Variants in KMT2A observed in about 807,000 individuals in gnomAD.
The protein encoded by KMT2A is lysine methyltransferase 2A, also known as histone-lysine N-methyltransferase 2A.
In KMT2A, 16 loss-of-function variants were observed where a neutral mutation model predicts 345.3. The observed-to-expected ratio is 0.05, with a 90% CI of 0.03 to 0.07. The LOEUF is 0.07. Ranked by LOEUF, KMT2A falls within the 10% of genes least tolerant of loss-of-function variation. The pLI is 1.00. For missense variants in KMT2A, 3,272 were observed against 4,841.6 expected (o/e 0.68, Z 9.62); for synonymous variants, 1,599 against 1,778.6 (o/e 0.90, Z 2.54).
intron 11 of KMT2A, 88 bp downstream of exon 11, chr11:118,488,848 A>G (rs1216823203): frequency 7.8e-7 from 1 of 1,273,946 alleles, no homozygotes; most frequent in Non-Finnish European, 1.1e-6. Flanking sequence ...GATTGAATGT[A>G]TCTGGGAAAA....
intron 4 of KMT2A, among the ~76,000 whole-genome samples, chr11:118,477,498 C>CTTTTTTTTTTTTTTTTTTTTTTTT (rs11430367): frequency 3.5e-5 from 2 of 56,944 alleles, no homozygotes; most frequent in African/African-American, 1.5e-4. Context: ...AAGTTATTGG[C>CTTTTTTTTTTTTTTTTTTTTTTTT]TTTTTTTTTT....
chr11:118,439,158 C>CAAA (rs34166714), intron 1 of KMT2A: 200 of 266,984 alleles, frequency 7.5e-4, no homozygotes, highest in South Asian at 1.6e-3. Context: ...GATACAGCAG[C>CAAA]AAAAAAAAAA....
intron 28 of KMT2A, among the ~76,000 whole-genome samples, chr11:118,507,924 C>T (rs1022428550): frequency 1.3e-5 from 2 of 152,196 alleles, no homozygotes; most frequent in Admixed American, 1.3e-4. Flanking sequence ...GATCGCGCCA[C>T]TGCACTCCAG....
At chr11:118,474,391 G>A in intron 3 of KMT2A, 76 bp downstream of exon 3, 1 of 1,505,766 alleles carries the variant, frequency 6.6e-7, no homozygotes, top group Non-Finnish European at 8.8e-7. Flanking sequence ...AGGCTAAGTG[G>A]TTCAATTACA....
rs2135294730 is a variant in KMT2A, at chr11:118,521,394, C to T, written c.11620C>T (p.Arg3874Trp). The part of the protein sequence containing the change: ...NVIRSIQTDK[R>W]EKYYDSKGIG... ...CATCCGCTCCATCCAGACTGACAAG[C>T]GGGAAAAGTATTACGACAGCAAGGT... The change falls in exon 35 of 36, where the codon CGG (arginine) becomes TGG (tryptophan). Residue 3874 changes from arginine to tryptophan, a missense_variant. Physicochemically the swap from Arg to Trp is moderately radical, Grantham distance 101 (BLOSUM62 -3). Transcript: ENST00000534358. The surrounding 1 kb of genome is among the most constrained non-coding windows in gnomAD (Gnocchi z 5.3). 2 of 1,613,984 alleles carry T rather than the reference C, an allele frequency of 1.2e-6. No homozygotes were observed. Among genetic ancestry groups the T allele is most frequent in the Non-Finnish European group, 1.7e-6 (2 of 1,179,988 alleles).
At position 118,503,717 on chromosome 11, in the gene KMT2A, C is replaced by T; in HGVS notation, c.7825C>T (p.Pro2609Ser). ...RNLMLPDGPK[P>S]QEDGSFKRRY... The stretch of plus-strand genomic sequence containing the variant: ...CCTAATGCTTCCAGATGGCCCCAAA[C>T]CTCAGGAGGATGGCTCTTTTAAAAG... Residue 2609 changes from proline (P) to serine (S), a missense_variant, in exon 27 of 36, where the codon CCT becomes TCT. Pro to Ser is a moderately conservative substitution (Grantham distance 74). Coordinates refer to ENST00000534358, the MANE Select transcript of KMT2A (RefSeq NM_001197104.2). This position sits in a 1 kb window ranked among gnomAD's most constrained non-coding sequence, Gnocchi z 5.3. 6.2e-7 allele frequency: 1 copy of T among 1,614,188 alleles called. No homozygotes were observed.
intron 1 of KMT2A, among the ~76,000 whole-genome samples, chr11:118,437,548 A>T (rs1477482409): frequency 4.1e-5 from 1 of 24,618 alleles, no homozygotes; most frequent in Non-Finnish European, 8.4e-5. Context: ...CTCTACCCCC[A>T]CCCCAAGCAG....
chr11:118,481,689 A>C, intron 6 of KMT2A, 26 bp from the exon 7 acceptor site: 1 of 1,591,794 alleles, frequency 6.3e-7, no homozygotes, highest in Admixed American at 1.8e-5. Flanking sequence ...CTATAGACAG[A>C]TGATGTTGTT....
chr11:118,503,424 C>A lies in KMT2A; in HGVS notation c.7532C>A (p.Ser2511Tyr), dbSNP rs1950533429. The A allele has an allele frequency of 1.3e-5, 21 of 1,613,994 alleles. No individual in the cohort carries two copies. Among genetic ancestry groups the A allele is most frequent in the Non-Finnish European group, 1.8e-5 (21 of 1,179,900 alleles). Residue 2511 changes from serine (S) to tyrosine (Y), a missense_variant, in exon 27 of 36, where the codon TCT (serine) becomes TAT (tyrosine). Coordinates refer to ENST00000534358, the MANE Select transcript of KMT2A (RefSeq NM_001197104.2). The surrounding 1 kb of genome is among the most constrained non-coding windows in gnomAD (Gnocchi z 5.3). ...GCTCCACCCATGCAAGTAGAAGGAT[C>A]TGCCAAGGAATTACAGGCACCACGG... ...PKAPPMQVEG[S>Y]AKELQAPRKR...
intron 10 of KMT2A, among the ~76,000 whole-genome samples, chr11:118,487,295 C>G (rs1473507171): frequency 6.6e-6 from 1 of 152,078 alleles, no homozygotes; most frequent in African/African-American, 2.4e-5. Context: ...TATAATTGTT[C>G]TGATCTAAAT....
chr11:118,520,475 A>G lies in KMT2A; in HGVS notation c.11430-327A>G. 2 of 354,244 alleles carry G rather than the reference A, an allele frequency of 5.6e-6. No homozygotes were observed. Among genetic ancestry groups the G allele is most frequent in the Non-Finnish European group, 5.2e-6 (1 of 191,990 alleles). 21.9% of individuals were successfully genotyped at this position (354,244 alleles called of 1,614,324 possible). A position where few individuals can be genotyped will look rare whatever the true frequency, so the allele number is the denominator to read the frequency against. ...AGACCAGCCTGACCAACATAGTGAA[A>G]CCCTATCTCTACTAAAAATACAAAA... is the stretch of plus-strand genomic sequence containing the variant. On this transcript the variant is annotated intron_variant, in intron 33 of 35. Transcript: ENST00000534358. This position sits in a 1 kb window ranked among gnomAD's most constrained non-coding sequence, Gnocchi z 4.3.
In KMT2A at chr11:118,436,677, C is replaced by T. The variant is rs1949187704; in HGVS notation, c.165C>T (p.Pro55=). The T allele has an allele frequency of 7.2e-6, 9 of 1,245,044 alleles. No individual in the cohort carries two copies. Among genetic ancestry groups the T allele is most frequent in the Non-Finnish European group, 9.1e-6 (9 of 993,270 alleles). The allele number at this position is 1,245,044 out of a possible 1,614,324, so 77.1% of individuals were successfully genotyped here. A position where few individuals can be genotyped will look rare whatever the true frequency, so the allele number is the denominator to read the frequency against. ...PVGGGGPGAP[P]SPPAVAAAAA... is the part of the protein sequence containing the mutation. ...GCGGTGGCGGCCCCGGGGCGCCCCC[C>T]TCCCCCCCGGCTGTGGCGGCCGCGG... Residue 55 remains proline (P), a synonymous_variant, in exon 1 of 36, where the codon CCC becomes CCT. Transcript: ENST00000534358. This position sits in a 1 kb window ranked among gnomAD's most constrained non-coding sequence, Gnocchi z 6.9.
intron 1 of KMT2A, among the ~76,000 whole-genome samples, chr11:118,468,077 A>G (rs1433379169): frequency 6.6e-6 from 1 of 152,090 alleles, no homozygotes; most frequent in Non-Finnish European, 1.5e-5. Context: ...CTTTCCAACT[A>G]TAACTGAAAA....
Position 118,498,327 on chromosome 11 carries a change from A to G in KMT2A, c.5803-43A>G, listed in dbSNP as rs782297577. On this transcript the variant is annotated intron_variant, in intron 21 of 35. Coordinates refer to ENST00000534358, the MANE Select transcript of KMT2A (RefSeq NM_001197104.2). The surrounding 1 kb of genome is among the most constrained non-coding windows in gnomAD (Gnocchi z 4.4). ...GAGGAGACGGTAAACGTCTTAAAAC[A>G]TATGAAAGTCTGAATAGGACTCTGT... The G allele has an allele frequency of 1.3e-6, 2 of 1,568,382 alleles. No individual in the cohort carries two copies. Among genetic ancestry groups the G allele is most frequent in the Non-Finnish European group, 1.7e-6 (2 of 1,157,692 alleles).
chr11:118,472,546 A>G lies in KMT2A; in HGVS notation c.1387A>G (p.Ser463Gly). The G allele has an allele frequency of 6.2e-7, 1 of 1,612,576 alleles. No individual in the cohort carries two copies. The highest frequency in any genetic ancestry group is 8.5e-7 in the Non-Finnish European group (1 of 1,179,736). Reference sequence around the variant, plus strand: ...GTCCTGTGGATCTTCTGAAAAATCAAGTGCAGCTTCTCAGCACTCCTCTCA... The same window carrying G: ...GTCCTGTGGATCTTCTGAAAAATCAGGTGCAGCTTCTCAGCACTCCTCTCA... ...APSCGSSEKS[S>G]AASQHSSQMS... The change falls in exon 3 of 36, where the codon AGT (serine) becomes GGT (glycine). Residue 463 changes from serine to glycine, a missense_variant. Coordinates refer to ENST00000534358, the MANE Select transcript of KMT2A (RefSeq NM_001197104.2).
chr11:118,485,662 T>G (rs576395969), intron 10 of KMT2A, among the ~76,000 whole-genome samples: 3 of 152,186 alleles, frequency 2.0e-5, no homozygotes, highest in Non-Finnish European at 4.4e-5. Flanking sequence ...CAAACACTTA[T>G]GGATATAATT....
At position 118,484,449 on chromosome 11, in the gene KMT2A, G is replaced by A. The variant is rs1184027672; in HGVS notation, c.4218+135G>A. On this transcript the variant is annotated intron_variant, in intron 9 of 35. Transcript: ENST00000534358. The surrounding 1 kb of genome is among the most constrained non-coding windows in gnomAD (Gnocchi z 4.1). ...GAATAAGAACTCCCATTAGCAGGTG[G>A]GTTTAGCGCTGGGAGAGCTTTGGTC... 1.1e-6 allele frequency: 1 copy of A among 898,232 alleles called. No individual in the cohort carries two copies. The highest frequency in any genetic ancestry group is 1.7e-6 in the Non-Finnish European group (1 of 597,716). The allele number at this position is 898,232 out of a possible 1,614,324, so 55.6% of individuals were successfully genotyped here. A position where few individuals can be genotyped will look rare whatever the true frequency, so the allele number is the denominator to read the frequency against.
intron 11 of KMT2A, 74 bp downstream of exon 11, chr11:118,488,834 C>T: frequency 7.1e-7 from 1 of 1,412,950 alleles, no homozygotes; most frequent in Non-Finnish European, 9.8e-7. Context: ...CTCAACCAAC[C>T]TTGGATTGAA....
Position 118,503,011 on chromosome 11 carries a change from C to G in KMT2A, c.7119C>G (p.Leu2373=). ...SSKEALSFPH[L]HLRGQRNDRD... ...AAGAGGCCCTCTCCTTCCCACACCT[C>G]CATTTGAGAGGGCAAAGGAATGATC... Residue 2373 remains leucine, a synonymous_variant, in exon 27 of 36, where the codon CTC becomes CTG. Coordinates refer to ENST00000534358, the MANE Select transcript of KMT2A (RefSeq NM_001197104.2). This position sits in a 1 kb window ranked among gnomAD's most constrained non-coding sequence, Gnocchi z 5.3. The G allele has an allele frequency of 6.2e-7, 1 of 1,613,960 alleles. No individual in the cohort carries two copies. Among genetic ancestry groups the G allele is most frequent in the Non-Finnish European group, 8.5e-7 (1 of 1,180,018 alleles).
Sources: gnomAD v4.1 joint callset for allele counts (sites outside exome capture counted in the v4.1 genomes callset) on GRCh38, gnomAD v4.1.1 for gene constraint, Gnocchi (gnomAD v3.1) non-coding constraint, MANE v1.5 for transcripts, NCBI Gene and HGNC (gene_info 2026-07-23, HGNC 2026-07-21) for gene names.